Variants in SLC22A23 observed in about 807,000 individuals in gnomAD.
SLC22A23 encodes the protein solute carrier family 22 member 23.
Under a neutral mutation model 61.0 loss-of-function variants are expected in SLC22A23, and 26 were observed. That is an observed-to-expected ratio of 0.43 (90% CI 0.31 to 0.59). The LOEUF is 0.59. SLC22A23 is among the 20% of genes least tolerant of loss of function. SLC22A23 has a pLI of 0.11. For synonymous variants in SLC22A23, 430 were observed against 413.9 expected (o/e 1.04, Z -0.47); for missense variants, 796 against 934.7 (o/e 0.85, Z 1.94).
intron 6 of SLC22A23, among the ~76,000 whole-genome samples, chr6:3,287,759 C>A (rs1760176881): frequency 6.6e-6 from 1 of 151,808 alleles, no homozygotes; most frequent in Non-Finnish European, 1.5e-5. Context: ...TCTCAGCTCA[C>A]TGCAACCTCC....
intron 3 of SLC22A23, among the ~76,000 whole-genome samples, chr6:3,388,845 A>G (rs1301756392): frequency 2.0e-5 from 3 of 152,204 alleles, no homozygotes; most frequent in Non-Finnish European, 2.9e-5. Flanking sequence ...GATGCTACTT[A>G]TAAGGTACCT....
chr6:3,284,546 C>T (rs1759787970), intron 8 of SLC22A23, among the ~76,000 whole-genome samples: 2 of 152,216 alleles, frequency 1.3e-5, no homozygotes, highest in Admixed American at 6.5e-5. Context: ...CTCAGCTTCC[C>T]CAAGGCTGCA....
intron 2 of SLC22A23, among the ~76,000 whole-genome samples, chr6:3,412,711 G>T (rs1033822238): frequency 6.6e-6 from 1 of 152,184 alleles, no homozygotes; most frequent in African/African-American, 2.4e-5. Flanking sequence ...TTAAGCTTAA[G>T]GACCCTGAGA....
At chr6:3,284,671 G>T (rs940397304) in intron 8 of SLC22A23, among the ~76,000 whole-genome samples, 2 of 152,226 alleles carry the variant, frequency 1.3e-5, no homozygotes, top group Non-Finnish European at 1.5e-5. Context: ...CTGCAGGGCA[G>T]CAAGCTTACA....
chr6:3,353,895 C>A (rs1316341516), intron 3 of SLC22A23, among the ~76,000 whole-genome samples: 1 of 152,222 alleles, frequency 6.6e-6, no homozygotes, highest in Non-Finnish European at 1.5e-5. Context: ...GAGGAAGCCT[C>A]ATGCAGAGGC....
rs1758562358 is a variant in SLC22A23, at chr6:3,272,860, G to GTTAT, written c.*191_*194dup. 1 of 514,180 alleles carries GTTAT rather than the reference G, an allele frequency of 1.9e-6. No homozygotes were observed. 31.9% of individuals were successfully genotyped at this position (514,180 alleles called of 1,614,324 possible). ...CGGCAGAAAAGAAAGTCTTGAAAGG[G>GTTAT]TTATTTCCAAAGAGTTTGTCTCCTC... On this transcript the variant is annotated 3_prime_UTR_variant, in exon 10 of 10. Transcript: ENST00000406686.
chr6:3,406,553 C>T (rs199804340), intron 3 of SLC22A23, among the ~76,000 whole-genome samples: 18 of 28,262 alleles, frequency 6.4e-4, no homozygotes, highest in South Asian at 4.0e-3. Context: ...TGTGTGCGCG[C>T]ATGTGTGTGT....
Position 3,406,813 on chromosome 6 carries a change from A to C in SLC22A23, c.913+3375T>G, listed in dbSNP as rs1425232092. Among the ~76,000 whole-genome samples the C allele has an allele frequency of 3.9e-5, 6 of 152,118 alleles. No homozygotes were observed. The South Asian group carries it at 1.0e-3, about 26-fold the overall frequency. On this transcript the variant is annotated intron_variant, in intron 3 of 9. Transcript: ENST00000406686. Reference sequence around the variant, plus strand: ...CTTTGGCGACTTGAGGGAAACAAACATGTAAAGTGTAGAGTATTTAACTGG... The same window carrying C: ...CTTTGGCGACTTGAGGGAAACAAACCTGTAAAGTGTAGAGTATTTAACTGG...
chr6:3,311,948 C>G (rs1014427948), intron 4 of SLC22A23: 3 of 152,164 alleles, frequency 2.0e-5, no homozygotes, highest in African/African-American at 7.2e-5. Context: ...GGAACGGCAC[C>G]AAGGTCTTGC....
At position 3,329,987 on chromosome 6, in the gene SLC22A23, G is replaced by A. The variant is rs1763496450; in HGVS notation, c.914-5985C>T. Among the ~76,000 whole-genome samples the A allele has an allele frequency of 6.6e-6, 1 of 152,208 alleles. No homozygotes were observed. Among genetic ancestry groups the A allele is most frequent in the African/African-American group, 2.4e-5 (1 of 41,452 alleles). Reference sequence around the variant, plus strand: ...ACGAGAAATCCTTCCAGAGGCCACTGCTGAACGGCCCGGCCATCCTCTCCC... The same window carrying A: ...ACGAGAAATCCTTCCAGAGGCCACTACTGAACGGCCCGGCCATCCTCTCCC... On this transcript the variant is annotated intron_variant, in intron 3 of 9. Transcript: ENST00000406686. The surrounding 1 kb of genome is among the most constrained non-coding windows in gnomAD (Gnocchi z 4.8).
intron 3 of SLC22A23, among the ~76,000 whole-genome samples, chr6:3,351,981 G>A (rs59840330): frequency 0.04 from 6,114 of 152,234 alleles, 402 homozygotes; most frequent in African/African-American, 0.14. Context: ...GCTCTGGGTG[G>A]ATGACTGTCC....
At chr6:3,282,879 G>A (rs1759602818) in intron 9 of SLC22A23, among the ~76,000 whole-genome samples, 1 of 152,124 alleles carries the variant, frequency 6.6e-6, no homozygotes, top group Non-Finnish European at 1.5e-5. Flanking sequence ...ACGACCCAGG[G>A]GCAGAGACGG....
At chr6:3,381,691 G>A (rs1372755541) in intron 3 of SLC22A23, among the ~76,000 whole-genome samples, 1 of 152,158 alleles carries the variant, frequency 6.6e-6, no homozygotes. Flanking sequence ...GACAGTAGTG[G>A]AATTTATTTC....
At position 3,273,432 on chromosome 6, in the gene SLC22A23, C is replaced by T. The variant is rs745898928; in HGVS notation, c.1704-20G>A. 1 of 1,610,080 alleles carries T rather than the reference C, an allele frequency of 6.2e-7. No homozygotes were observed. Among genetic ancestry groups the T allele is most frequent in the African/African-American group, 1.3e-5 (1 of 74,914 alleles). On this transcript the variant is annotated intron_variant, in intron 9 of 9. Coordinates refer to ENST00000406686, the MANE Select transcript of SLC22A23 (RefSeq NM_015482.2). ...CCACACCTGCAGGGGGAGGGAAGCA[C>T]AGGGATTGCTGCTGTGGGCTAGCGG... is the stretch of plus-strand genomic sequence containing the variant.
rs1772394043 is a variant in SLC22A23 at position 3,456,143 on chromosome 6, C to T, written c.417G>A (p.Gly139=). The change falls in exon 1 of 10, where the codon GGG becomes GGA. Residue 139 remains glycine (G), a synonymous_variant. Coordinates refer to ENST00000406686, the MANE Select transcript of SLC22A23 (RefSeq NM_015482.2). The surrounding 1 kb of genome is among the most constrained non-coding windows in gnomAD (Gnocchi z 7.1). ...RGAGKGTELA[G]VTTTGRGGDM... is the part of the protein sequence containing the mutation. ...CCCCGCCCCGGCCTGTGGTGGTGACCCCTGCCAGCTCGGTGCCTTTGCCGG... is the reference window on the plus strand; with the variant it reads ...CCCCGCCCCGGCCTGTGGTGGTGACTCCTGCCAGCTCGGTGCCTTTGCCGG... 6.4e-7 allele frequency: 1 copy of T among 1,551,050 alleles called. No individual in the cohort carries two copies. Among genetic ancestry groups the T allele is most frequent in the African/African-American group, 1.4e-5 (1 of 72,998 alleles).
intron 5 of SLC22A23, among the ~76,000 whole-genome samples, chr6:3,295,569 C>T (rs990408473): frequency 9.2e-5 from 14 of 152,114 alleles, no homozygotes; most frequent in Non-Finnish European, 2.1e-4. Flanking sequence ...CCCAGCCAGC[C>T]GGCCAGGGCG....
At chr6:3,278,863 G>A (rs1327245749) in intron 9 of SLC22A23, among the ~76,000 whole-genome samples, 2 of 152,120 alleles carry the variant, frequency 1.3e-5, no homozygotes, top group Non-Finnish European at 2.9e-5. Flanking sequence ...GACCTTCCCG[G>A]CACTAAATGT....
intron 3 of SLC22A23, among the ~76,000 whole-genome samples, chr6:3,352,300 CACTT>C (rs1174564643): frequency 2.0e-5 from 3 of 151,834 alleles, no homozygotes; most frequent in South Asian, 2.1e-4. Flanking sequence ...CAGCCATAGA[CACTT>C]ACAAGCATGC....
intron 4 of SLC22A23, among the ~76,000 whole-genome samples, chr6:3,298,989 A>AG (rs1302292752): frequency 6.6e-6 from 1 of 151,766 alleles, no homozygotes; most frequent in East Asian, 1.9e-4. Flanking sequence ...AAAAAAAAAA[A>AG]AAAAAAATGT....
Sources: gnomAD v4.1 joint callset for allele counts (sites outside exome capture counted in the v4.1 genomes callset) on GRCh38, gnomAD v4.1.1 for gene constraint, Gnocchi (gnomAD v3.1) non-coding constraint, MANE v1.5 for transcripts, NCBI Gene and HGNC (gene_info 2026-07-23, HGNC 2026-07-21) for gene names.